Variants in CNGA1 observed in about 807,000 individuals in gnomAD.
The protein encoded by CNGA1 is cyclic nucleotide-gated channel alpha-1.
CNGA1 carries 53 observed loss-of-function variants against 69.7 expected under a neutral mutation model. The ratio of observed to expected loss-of-function variants is 0.76; its 90% CI spans 0.61 to 0.96. CNGA1 has a LOEUF of 0.96. CNGA1 is among the 40% of genes least tolerant of loss of function. CNGA1 has a pLI of 0.00. For synonymous variants in CNGA1, 249 were observed against 283.5 expected (o/e 0.88, Z 1.22); for missense variants, 739 against 811.2 (o/e 0.91, Z 1.08).
At chr4:47,981,016 T>G (rs1741682122) in intron 3 of CNGA1, among the ~76,000 whole-genome samples, 1 of 152,186 alleles carries the variant, frequency 6.6e-6, no homozygotes, top group Admixed American at 6.5e-5. Flanking sequence ...AGTGAATTCT[T>G]TAAGATTTAC....
intron 10 of CNGA1, among the ~76,000 whole-genome samples, chr4:47,938,311 TGA>T (rs1395349239): frequency 3.0e-5 from 2 of 65,802 alleles, no homozygotes; most frequent in South Asian, 4.9e-4. Context: ...TGTGATATTG[TGA>T]GATATATATA....
chr4:47,995,780 A>C (rs538282616), intron 2 of CNGA1, among the ~76,000 whole-genome samples: 1 of 152,234 alleles, frequency 6.6e-6, no homozygotes, highest in South Asian at 2.1e-4. Context: ...TGGCTCTATC[A>C]AAGGAAAGGT....
At chr4:47,969,084 T>C (rs1047389438) in intron 3 of CNGA1, among the ~76,000 whole-genome samples, 1 of 152,192 alleles carries the variant, frequency 6.6e-6, no homozygotes. Context: ...ATAGTAGTTT[T>C]GTGTAAGGTA....
chr4:47,975,317 G>A (rs761799407), intron 3 of CNGA1, among the ~76,000 whole-genome samples: 1 of 152,168 alleles, frequency 6.6e-6, no homozygotes, highest in Non-Finnish European at 1.5e-5. Context: ...CACTTGGTAA[G>A]TCAAATTGTT....
chr4:47,947,768 T>G (rs2110150946), intron 6 of CNGA1, among the ~76,000 whole-genome samples: 1 of 152,360 alleles, frequency 6.6e-6, no homozygotes, highest in African/African-American at 2.4e-5. Flanking sequence ...CTTGACTGGT[T>G]GGTCAGGGAC....
At chr4:47,984,262 A>T (rs1459755004) in intron 2 of CNGA1, among the ~76,000 whole-genome samples, 1 of 152,178 alleles carries the variant, frequency 6.6e-6, no homozygotes, top group African/African-American at 2.4e-5. Flanking sequence ...TAAACCCCTT[A>T]GCACTTTACC....
At chr4:47,941,964 A>G in intron 9 of CNGA1, 77 bp downstream of exon 9, 2 of 892,860 alleles carry the variant, frequency 2.2e-6, no homozygotes, top group Non-Finnish European at 3.6e-6. Flanking sequence ...GCTCTAAGTC[A>G]AATTGTTTAG....
chr4:47,940,158 AT>A (rs1256428597), intron 10 of CNGA1, among the ~76,000 whole-genome samples: 1 of 152,190 alleles, frequency 6.6e-6, no homozygotes, highest in East Asian at 1.9e-4. Flanking sequence ...ATGACAGGGC[AT>A]TGTTCCAGGA....
intron 1 of CNGA1, among the ~76,000 whole-genome samples, chr4:48,015,304 G>A (rs573003981): frequency 2.0e-5 from 3 of 152,284 alleles, no homozygotes; most frequent in South Asian, 4.1e-4. Flanking sequence ...CACTCTCCGT[G>A]GTGTTCCTTC....
At chr4:47,960,399 T>G (rs559418755) in intron 3 of CNGA1, among the ~76,000 whole-genome samples, 1 of 152,288 alleles carries the variant, frequency 6.6e-6, no homozygotes, top group East Asian at 1.9e-4. Context: ...TTAAGATGGA[T>G]CACTGACCTA....
At chr4:48,014,304 A>C (rs185140956) in intron 1 of CNGA1, among the ~76,000 whole-genome samples, 1 of 152,318 alleles carries the variant, frequency 6.6e-6, no homozygotes, top group East Asian at 1.9e-4. Flanking sequence ...GAAATTATCA[A>C]TGAAGGAAAA....
chr4:47,952,735 G>A lies in CNGA1; in HGVS notation c.-14-32C>T, dbSNP rs767317585. 1.9e-5 allele frequency: 28 copies of A among 1,495,900 alleles called. No individual in the cohort carries two copies. In the Admixed American group the frequency reaches 5.2e-4, roughly 28 times the overall value. The allele number at this position is 1,495,900 out of a possible 1,614,324, so 92.7% of individuals were successfully genotyped here. A position where few individuals can be genotyped will look rare whatever the true frequency, so the allele number is the denominator to read the frequency against. ...AGAAAGAAGTCTTATTAGTGGAAAG[G>A]CTATTTTTATATATTTACATATATA... On this transcript the variant is annotated intron_variant, in intron 3 of 10. Coordinates refer to ENST00000514170, the MANE Select transcript of CNGA1 (RefSeq NM_001379270.1).
intron 2 of CNGA1, among the ~76,000 whole-genome samples, chr4:48,005,081 G>A (rs947913370): frequency 1.9e-4 from 28 of 151,064 alleles, no homozygotes; most frequent in Admixed American, 4.0e-4. Flanking sequence ...AAGACAAATC[G>A]TGGTTGGACT....
chr4:47,984,647 A>AAAT (rs141458781), intron 2 of CNGA1, among the ~76,000 whole-genome samples: 50 of 64,490 alleles, frequency 7.8e-4, no homozygotes, highest in South Asian at 2.8e-3. Flanking sequence ...AAATAAAAAA[A>AAAT]ATATATATAT....
At chr4:47,945,046 A>C (rs545060472) in intron 6 of CNGA1, among the ~76,000 whole-genome samples, 1 of 152,198 alleles carries the variant, frequency 6.6e-6, no homozygotes, top group South Asian at 2.1e-4. Context: ...TAGGAGGTTG[A>C]GGGCAACTTA....
chr4:47,948,088 GC>G (rs1466633229), intron 6 of CNGA1, among the ~76,000 whole-genome samples: 2 of 151,942 alleles, frequency 1.3e-5, no homozygotes, highest in East Asian at 1.9e-4. Context: ...TTGCCACAGG[GC>G]TTTGACCAGT....
At chr4:47,949,055 G>A (rs889271484) in intron 6 of CNGA1, among the ~76,000 whole-genome samples, 1 of 152,212 alleles carries the variant, frequency 6.6e-6, no homozygotes, top group African/African-American at 2.4e-5. Context: ...TTCCCACATG[G>A]GGTGAATTTT....
At chr4:47,948,018 G>A (rs1560624067) in intron 6 of CNGA1, among the ~76,000 whole-genome samples, 1 of 152,178 alleles carries the variant, frequency 6.6e-6, no homozygotes, top group Non-Finnish European at 1.5e-5. Context: ...TGACACCATG[G>A]AAGGGGCATC....
At chr4:47,982,210 T>G (rs1741748362) in intron 2 of CNGA1, among the ~76,000 whole-genome samples, 1 of 152,216 alleles carries the variant, frequency 6.6e-6, no homozygotes, top group African/African-American at 2.4e-5. Flanking sequence ...AAAATCAGAA[T>G]GACATGAAAT....
Sources: gnomAD v4.1 joint callset for allele counts (sites outside exome capture counted in the v4.1 genomes callset) on GRCh38, gnomAD v4.1.1 for gene constraint, MANE v1.5 for transcripts, NCBI Gene and HGNC (gene_info 2026-07-23, HGNC 2026-07-21) for gene names.